CDK13: variants seen among roughly 807,000 people sequenced by gnomAD.
CDK13 encodes the protein cyclin dependent kinase 13.
CDK13 carries 40 observed loss-of-function variants against 137.6 expected under a neutral mutation model. The ratio of observed to expected loss-of-function variants is 0.29; its 90% CI spans 0.23 to 0.38. The LOEUF (loss-of-function observed/expected upper bound fraction) is 0.38. Among genes scored for constraint, CDK13 ranks in the 10% least tolerant of loss-of-function variants. The pLI is 1.00. For missense variants in CDK13, 1,704 were observed against 1,951.8 expected (o/e 0.87, Z 2.39); for synonymous variants, 869 against 760.1 (o/e 1.14, Z -2.36).
At position 40,094,854 on chromosome 7, in the gene CDK13, T is replaced by G. The variant is rs1323970684; in HGVS notation, c.4413T>G (p.Ser1471Arg). 6.4e-7 allele frequency: 1 copy of G among 1,552,544 alleles called. No individual in the cohort carries two copies. The highest frequency in any genetic ancestry group is 1.9e-5 in the Admixed American group (1 of 51,914). The change falls in exon 14 of 14, where the codon AGT becomes AGG. Residue 1471 changes from serine to arginine, a missense_variant. Physicochemically the swap from Ser to Arg is moderately radical, Grantham distance 110. Transcript: ENST00000181839. ...NYGGNLQENP[S>R]GPSLMHGQTW... ...GTGGTAACTTACAGGAAAATCCGAG[T>G]GGCCCCAGCCTCATGCATGGACAGA... is the stretch of plus-strand genomic sequence containing the variant.
At chr7:39,964,279 T>C (rs2116151075) in intron 1 of CDK13, among the ~76,000 whole-genome samples, 1 of 152,340 alleles carries the variant, frequency 6.6e-6, no homozygotes, top group Middle Eastern at 3.4e-3. Flanking sequence ...AGCTATTAAT[T>C]ATTGCCTCAA....
intron 7 of CDK13, among the ~76,000 whole-genome samples, chr7:40,053,603 T>G (rs1377726424): frequency 6.6e-6 from 1 of 152,144 alleles, no homozygotes; most frequent in African/African-American, 2.4e-5. Flanking sequence ...TTTTTTTTTC[T>G]TTCAGTGTGC....
intron 11 of CDK13, among the ~76,000 whole-genome samples, chr7:40,083,473 A>T (rs1786716206): frequency 1.3e-5 from 2 of 152,220 alleles, no homozygotes; most frequent in Non-Finnish European, 2.9e-5. Flanking sequence ...CAGTATACCT[A>T]GAAAAGATTA....
intron 4 of CDK13, among the ~76,000 whole-genome samples, chr7:39,999,757 T>G (rs958449598): frequency 1.3e-5 from 2 of 152,246 alleles, no homozygotes; most frequent in Admixed American, 6.5e-5. Context: ...TTAGTTTTTC[T>G]TTCCTCTTTT....
chr7:39,950,851 A>G lies in CDK13; in HGVS notation c.210A>G (p.Ala70=), dbSNP rs1047945853. Residue 70 remains alanine, a synonymous_variant, in exon 1 of 14, where the codon GCA becomes GCG. Transcript: ENST00000181839. ...CTGCTCCCGGCACGGCCGCCGCCGCAGCCGCCGCCGCCGCGGCCTCCTCCT... is the reference window on the plus strand; with the variant it reads ...CTGCTCCCGGCACGGCCGCCGCCGCGGCCGCCGCCGCCGCGGCCTCCTCCT... The part of the protein sequence containing the change: ...FLAAPGTAAA[A]AAAAAASSSC... 4 of 1,370,670 alleles carry G rather than the reference A, an allele frequency of 2.9e-6. No homozygotes were observed. The highest frequency in any genetic ancestry group is 3.7e-6 in the Non-Finnish European group (4 of 1,072,718). 84.9% of individuals were successfully genotyped at this position (1,370,670 alleles called of 1,614,324 possible).
chr7:39,960,261 T>C (rs1464085897), intron 1 of CDK13, among the ~76,000 whole-genome samples: 2 of 151,988 alleles, frequency 1.3e-5, no homozygotes, highest in African/African-American at 4.8e-5. Flanking sequence ...TACTTTTTTT[T>C]TTGAGATGGA....
chr7:39,957,307 T>TATCTAGATGATAAAAGTTAGTTTTTTTA (rs200684801), intron 1 of CDK13, among the ~76,000 whole-genome samples: 1 of 151,934 alleles, frequency 6.6e-6, no homozygotes. Context: ...TTAGTTTTTT[T>TATCTAGATGATAAAAGTTAGTTTTTTTA]TCCTGTGCCC....
At position 40,040,886 on chromosome 7, in the gene CDK13, C is replaced by T. The variant is rs532812721; in HGVS notation, c.2354-4950C>T. On this transcript the variant is annotated intron_variant, in intron 5 of 13. Transcript: ENST00000181839. Reference sequence around the variant, plus strand: ...TCTCCGGAGGCCAAAAACTTGTTATCTGCATTTAAAGATAGTTTTAGCTTT... The same window carrying T: ...TCTCCGGAGGCCAAAAACTTGTTATTTGCATTTAAAGATAGTTTTAGCTTT... Among the ~76,000 whole-genome samples, 200 of 152,216 alleles carry T rather than the reference C, an allele frequency of 1.3e-3. 1 individual carries two copies. The highest frequency in any genetic ancestry group is 3.4e-3 in the Middle Eastern group (1 of 294).
chr7:40,033,843 G>C (rs1785429070), intron 5 of CDK13, among the ~76,000 whole-genome samples: 1 of 152,048 alleles, frequency 6.6e-6, no homozygotes, highest in Non-Finnish European at 1.5e-5. Context: ...TCTAAGTTTT[G>C]GTTTTTCCCT....
chr7:39,966,183 A>G (rs1440701579), intron 1 of CDK13, among the ~76,000 whole-genome samples: 3 of 151,134 alleles, frequency 2.0e-5, no homozygotes, highest in African/African-American at 7.4e-5. Flanking sequence ...AGATTAGGGA[A>G]GTTCTCCTGG....
At chr7:40,006,960 A>G (rs907275880) in intron 5 of CDK13, among the ~76,000 whole-genome samples, 1 of 152,062 alleles carries the variant, frequency 6.6e-6, no homozygotes, top group African/African-American at 2.4e-5. Flanking sequence ...CTTCTGCCCT[A>G]CCCTCAAAAA....
intron 7 of CDK13, among the ~76,000 whole-genome samples, chr7:40,054,123 C>A (rs181613344): frequency 1.3e-5 from 2 of 152,236 alleles, no homozygotes; most frequent in East Asian, 3.9e-4. Flanking sequence ...TACCATTAGG[C>A]TGATGGCAAT....
Position 40,096,306 on chromosome 7 carries a change from C to T in CDK13, c.*1326C>T, listed in dbSNP as rs1299055658. 6.6e-6 allele frequency: 1 copy of T among 152,078 alleles called. No individual in the cohort carries two copies. Among genetic ancestry groups the T allele is most frequent in the Non-Finnish European group, 1.5e-5 (1 of 68,002 alleles). The allele number at this position is 152,078 out of a possible 1,614,324, so 9.4% of individuals were successfully genotyped here. A position where few individuals can be genotyped will look rare whatever the true frequency, so the allele number is the denominator to read the frequency against. Reference sequence around the variant, plus strand: ...TCACATTCTGTAAAGTTGATTATGACTTCTGCCAGACTTAGAGCAACAACT... The same window carrying T: ...TCACATTCTGTAAAGTTGATTATGATTTCTGCCAGACTTAGAGCAACAACT... On this transcript the variant is annotated 3_prime_UTR_variant, in exon 14 of 14. Coordinates refer to ENST00000181839, the MANE Select transcript of CDK13 (RefSeq NM_003718.5).
At chr7:39,974,326 A>G (rs1784059973) in intron 1 of CDK13, among the ~76,000 whole-genome samples, 1 of 151,834 alleles carries the variant, frequency 6.6e-6, no homozygotes, top group Non-Finnish European at 1.5e-5. Flanking sequence ...TTGGCCTCCC[A>G]AGGTGTTGGG....
At position 40,094,153 on chromosome 7, in the gene CDK13, C is replaced by G; in HGVS notation, c.3712C>G (p.Gln1238Glu). The G allele has an allele frequency of 6.2e-7, 1 of 1,613,946 alleles. No individual in the cohort carries two copies. Among genetic ancestry groups the G allele is most frequent in the Non-Finnish European group, 8.5e-7 (1 of 1,179,972 alleles). Reference protein sequence around the residue: ...VSGQDDLIQHQDMRILELTPE... With the variant: ...VSGQDDLIQHEDMRILELTPE... ...AGGACAAGATGACCTCATCCAGCAT[C>G]AAGATATGAGGATCTTGGAGCTAAC... is the stretch of plus-strand genomic sequence containing the variant. The change falls in exon 14 of 14, where the codon CAA (glutamine) becomes GAA (glutamate). Residue 1238 changes from glutamine (Q) to glutamate (E), a missense_variant. Gln to Glu is a conservative substitution (Grantham distance 29, BLOSUM62 2). Coordinates refer to ENST00000181839, the MANE Select transcript of CDK13 (RefSeq NM_003718.5).
At chr7:39,953,542 A>G (rs955769915) in intron 1 of CDK13, among the ~76,000 whole-genome samples, 1 of 152,222 alleles carries the variant, frequency 6.6e-6, no homozygotes, top group Non-Finnish European at 1.5e-5. Context: ...TATATGAAAT[A>G]TATAATCGTG....
intron 1 of CDK13, among the ~76,000 whole-genome samples, chr7:39,970,896 C>G (rs959972477): frequency 2.0e-5 from 3 of 152,224 alleles, no homozygotes; most frequent in Non-Finnish European, 4.4e-5. Context: ...ACAGATCCAA[C>G]TTTCCATGTA....
chr7:40,043,495 C>T (rs998603387), intron 5 of CDK13, among the ~76,000 whole-genome samples: 4 of 152,050 alleles, frequency 2.6e-5, no homozygotes, highest in Non-Finnish European at 5.9e-5. Flanking sequence ...AAGAGAAAAA[C>T]CATTGGTCCT....
chr7:39,997,467 T>A, intron 2 of CDK13, 27 bp from the exon 3 acceptor site: 1 of 1,580,434 alleles, frequency 6.3e-7, no homozygotes, highest in Non-Finnish European at 8.5e-7. Flanking sequence ...ATTTTTGTTT[T>A]ATTTGTCTGA....
Sources: allele counts gnomAD v4.1 joint callset (sites outside exome capture counted in the v4.1 genomes callset), GRCh38; gene constraint gnomAD v4.1.1; transcripts MANE v1.5; gene names NCBI Gene and HGNC (gene_info 2026-07-23, HGNC 2026-07-21).